Variants in LAMC3 observed in about 807,000 individuals in gnomAD.
LAMC3 encodes laminin subunit gamma 3.
A neutral mutation model predicts 173.8 loss-of-function variants in LAMC3; 128 were observed. The observed-to-expected ratio is 0.74, with a 90% confidence interval of 0.64 to 0.85. LAMC3 has a LOEUF of 0.85. LAMC3 is among the 40% of genes least tolerant of loss of function. The probability of loss-of-function intolerance (pLI) is 0.00; values close to 1 mark genes in which losing one functional copy is unlikely to be tolerated. For synonymous variants in LAMC3, 897 were observed against 909.1 expected (o/e 0.99, Z 0.24); for missense variants, 2,022 against 2,156.0 (o/e 0.94, Z 1.23).
rs748419404 is a variant in LAMC3, at chr9:131,038,881, C to T, written c.994C>T (p.Arg332Cys). The change falls in exon 5 of 28, where the codon CGC (arginine) becomes TGC (cysteine). Residue 332 changes from arginine to cysteine, a missense_variant. Arg to Cys is a radical substitution (Grantham distance 180). Coordinates refer to ENST00000361069, the MANE Select transcript of LAMC3 (RefSeq NM_006059.4). The part of the protein sequence containing the change: ...HECLPCNCSG[R>C]SEECTFDREL... ...GCCCATAGCCTGCAACTGCAGTGGC[C>T]GCTCCGAGGAATGCACGTTTGATCG... The T allele has an allele frequency of 5.3e-5, 85 of 1,613,056 alleles. No individual in the cohort carries two copies. Among genetic ancestry groups the T allele is most frequent in the East Asian group, 8.9e-5 (4 of 44,888 alleles).
intron 27 of LAMC3, 115 bp from the exon 28 acceptor site, chr9:131,091,422 G>A (rs543752699): frequency 7.3e-7 from 1 of 1,369,128 alleles, no homozygotes. Context: ...CTGGTGGATG[G>A]TGGGCCATTG....
At chr9:131,030,078 T>C (rs1833799516) in intron 2 of LAMC3, among the ~76,000 whole-genome samples, 1 of 152,084 alleles carries the variant, frequency 6.6e-6, no homozygotes, top group South Asian at 2.1e-4. Flanking sequence ...GTAGCTGGGA[T>C]TGCAGGTGTG....
At chr9:131,071,669 G>A in intron 18 of LAMC3, 44 bp downstream of exon 18, 2 of 1,502,574 alleles carry the variant, frequency 1.3e-6, no homozygotes, top group South Asian at 1.3e-5. Context: ...GCAAGGGGAG[G>A]CCCCCAGCGC....
chr9:131,021,828 T>C (rs567905278), intron 1 of LAMC3, among the ~76,000 whole-genome samples: 3 of 152,232 alleles, frequency 2.0e-5, no homozygotes, highest in South Asian at 2.1e-4. Flanking sequence ...GGGTAACACA[T>C]TGACTGGTTT....
rs1645476822 is a variant in LAMC3 at position 131,071,509 on chromosome 9, CTT to C, written c.3097_3098del (p.Leu1033AspfsTer198). 2 of 1,613,802 alleles carry C rather than the reference CTT, an allele frequency of 1.2e-6. No individual in the cohort carries two copies. Among genetic ancestry groups the C allele is most frequent in the African/African-American group, 2.7e-5 (2 of 74,926 alleles). On this transcript the variant is annotated frameshift_variant, in exon 18 of 28. Transcript: ENST00000361069. LOFTEE classifies it high-confidence loss of function. ...GCAGCCAAGCTGAAGGCCAGACTGA[CTT>C]TGACGGAGGGGTGGCTCCAAGGGTC...
Position 131,067,512 on chromosome 9 carries a change from G to A in LAMC3, c.2593+307G>A, listed in dbSNP as rs12551971. Among the ~76,000 whole-genome samples the A allele has an allele frequency of 0.75, 114,006 of 151,850 alleles. 43,971 individuals carry two copies. The highest frequency in any genetic ancestry group is 0.84 in the Non-Finnish European group (56,829 of 67,874). Reference sequence around the variant, plus strand: ...ATGGCTGACCCGGTGATCGCCCTGCGCCGGGTCTCCATGGCCATGCCTCCC... The same window carrying A: ...ATGGCTGACCCGGTGATCGCCCTGCACCGGGTCTCCATGGCCATGCCTCCC... On this transcript the variant is annotated intron_variant, in intron 14 of 27. Transcript: ENST00000361069.
chr9:131,065,039 TAAAAAAAAAAA>T (rs754104539), intron 13 of LAMC3, among the ~76,000 whole-genome samples: 1 of 27,422 alleles, frequency 3.6e-5, no homozygotes, highest in African/African-American at 7.0e-5. Context: ...AGACTCCATC[TAAAAAAAAAAA>T]AAAAAAAAAG....
chr9:131,039,353 C>T, intron 6 of LAMC3, 105 bp downstream of exon 6: 4 of 943,694 alleles, frequency 4.2e-6, no homozygotes, highest in East Asian at 2.5e-5. Context: ...TTCCTGTCTG[C>T]AGCTACCTCG....
At chr9:131,016,187 G>T (rs1050100412) in intron 1 of LAMC3, among the ~76,000 whole-genome samples, 4 of 152,172 alleles carry the variant, frequency 2.6e-5, no homozygotes, top group Non-Finnish European at 4.4e-5. Context: ...GATATGAGAG[G>T]CACCCTGGGA....
intron 15 of LAMC3, among the ~76,000 whole-genome samples, chr9:131,068,494 C>T (rs1366371059): frequency 3.3e-5 from 5 of 152,192 alleles, no homozygotes; most frequent in Non-Finnish European, 7.3e-5. Flanking sequence ...ATTCCCTTCT[C>T]AGTGACACTC....
intron 21 of LAMC3, 47 bp from the exon 22 acceptor site, chr9:131,077,140 G>A: frequency 6.2e-7 from 1 of 1,609,590 alleles, no homozygotes; most frequent in Non-Finnish European, 8.5e-7. Context: ...ACAGGGATGG[G>A]GAGGGCTAGT....
In LAMC3 at chr9:131,073,178, A is replaced by G; in HGVS notation, c.3418-67A>G. 13 of 1,195,752 alleles carry G rather than the reference A, an allele frequency of 1.1e-5. No individual in the cohort carries two copies. In the South Asian group the frequency reaches 1.6e-4, roughly 14 times the overall value. 74.1% of individuals were successfully genotyped at this position (1,195,752 alleles called of 1,614,324 possible). A position where few individuals can be genotyped will look rare whatever the true frequency, so the allele number is the denominator to read the frequency against. On this transcript the variant is annotated intron_variant, in intron 19 of 27. Transcript: ENST00000361069. The stretch of plus-strand genomic sequence containing the variant: ...CCATCCAGTTCTGCCTCACAATTGG[A>G]CCAGATGTGGCCCTTACCCTTTGGC...
rs1834140589 is a variant in LAMC3, at chr9:131,045,592, G to A, written c.1451G>A (p.Gly484Asp). The A allele has an allele frequency of 1.9e-6, 3 of 1,614,094 alleles. No homozygotes were observed. Among genetic ancestry groups the A allele is most frequent in the Non-Finnish European group, 2.5e-6 (3 of 1,180,026 alleles). The part of the protein sequence containing the change: ...PAGCSSCFCY[G>D]HSKVCASTAQ... ...GGCTGCAGCAGCTGTTTCTGCTATGGCCACTCCAAGGTGTGCGCGTCCACT... is the reference window on the plus strand; with the variant it reads ...GGCTGCAGCAGCTGTTTCTGCTATGACCACTCCAAGGTGTGCGCGTCCACT... Residue 484 changes from glycine to aspartate, a missense_variant, in exon 8 of 28, where the codon GGC becomes GAC. Transcript: ENST00000361069.
At chr9:131,021,667 C>T (rs1833627606) in intron 1 of LAMC3, among the ~76,000 whole-genome samples, 1 of 152,128 alleles carries the variant, frequency 6.6e-6, no homozygotes, top group Admixed American at 6.5e-5. Context: ...CATCCGGTCC[C>T]ACAGGTTGAG....
In LAMC3 at chr9:131,075,971, G is replaced by A. The variant is rs1401642857; in HGVS notation, c.3629+6G>A. The A allele has an allele frequency of 2.5e-6, 4 of 1,603,378 alleles. No homozygotes were observed. Among genetic ancestry groups the A allele is most frequent in the Admixed American group, 1.7e-5 (1 of 59,300 alleles). ...CAGCGGGACCTGGAGGACAGGTGAGGCCTCCCCAGGTGTGGGTAGAAACTT... is the reference window on the plus strand; with the variant it reads ...CAGCGGGACCTGGAGGACAGGTGAGACCTCCCCAGGTGTGGGTAGAAACTT... On this transcript the variant is annotated splice_donor_region_variant and intron_variant, in intron 21 of 27. Transcript: ENST00000361069.
intron 27 of LAMC3, among the ~76,000 whole-genome samples, chr9:131,090,935 A>G (rs943810017): frequency 4.6e-5 from 7 of 152,246 alleles, no homozygotes; most frequent in Non-Finnish European, 1.5e-5. Context: ...AGGCTGAGGC[A>G]GGAGAATCGC....
intron 27 of LAMC3, 107 bp from the exon 28 acceptor site, chr9:131,091,430 T>G: frequency 1.4e-6 from 2 of 1,434,182 alleles, no homozygotes; most frequent in Non-Finnish European, 1.9e-6. Flanking sequence ...TGGTGGGCCA[T>G]TGGAATCCTG....
chr9:131,043,892 C>T (rs1335727881), intron 7 of LAMC3, among the ~76,000 whole-genome samples: 1 of 151,182 alleles, frequency 6.6e-6, no homozygotes, highest in Non-Finnish European at 1.5e-5. Context: ...TTCTTTGATA[C>T]TCTTCCTCTA....
At chr9:131,090,066 G>C (rs1830397373) in intron 27 of LAMC3, among the ~76,000 whole-genome samples, 1 of 152,122 alleles carries the variant, frequency 6.6e-6, no homozygotes, top group South Asian at 2.1e-4. Context: ...CAAAATGCTG[G>C]GATTACGGGA....
Sources: gnomAD v4.1 joint callset for allele counts (sites outside exome capture counted in the v4.1 genomes callset) on GRCh38, gnomAD v4.1.1 for gene constraint, MANE v1.5 for transcripts, NCBI Gene and HGNC (gene_info 2026-07-23, HGNC 2026-07-21) for gene names.